Variants in RFTN1 observed in about 807,000 individuals in gnomAD.
RFTN1 encodes raftlin.
A neutral mutation model predicts 46.5 loss-of-function variants in RFTN1; 26 were observed. The ratio of observed to expected loss-of-function variants is 0.56; its 90% CI spans 0.41 to 0.78. The LOEUF is 0.78. Among genes scored for constraint, RFTN1 ranks in the 30% least tolerant of loss-of-function variants. The pLI is 0.00. For missense variants in RFTN1, 693 were observed against 718.7 expected (o/e 0.96, Z 0.41); for synonymous variants, 261 against 284.2 (o/e 0.92, Z 0.82).
chr3:16,395,497 G>C (rs2074446968), intron 4 of RFTN1, among the ~76,000 whole-genome samples: 2 of 151,964 alleles, frequency 1.3e-5, no homozygotes. Flanking sequence ...CCAGGCTGGA[G>C]TGCAGTGGTG....
Position 16,449,770 on chromosome 3 carries a change from G to T in RFTN1, c.146-15733C>A, listed in dbSNP as rs9847266. ...ACTCAGAAAAATCAACGAGACAAAAGCCATGCTGACAGACTGCTGCCTCTG... is the reference window on the plus strand; with the variant it reads ...ACTCAGAAAAATCAACGAGACAAAATCCATGCTGACAGACTGCTGCCTCTG... On this transcript the variant is annotated intron_variant, in intron 2 of 9. Coordinates refer to ENST00000334133, the MANE Select transcript of RFTN1 (RefSeq NM_015150.2). The surrounding 1 kb of genome is among the most constrained non-coding windows in gnomAD (Gnocchi z 5.1). Among the ~76,000 whole-genome samples, 235 of 152,318 alleles carry T rather than the reference G, an allele frequency of 1.5e-3. No homozygotes were observed. Among genetic ancestry groups the T allele is most frequent in the African/African-American group, 5.4e-3 (223 of 41,558 alleles).
intron 3 of RFTN1, among the ~76,000 whole-genome samples, chr3:16,430,718 C>A (rs1359567447): frequency 1.3e-5 from 2 of 152,186 alleles, no homozygotes; most frequent in Non-Finnish European, 2.9e-5. Flanking sequence ...TTCTCTGGAT[C>A]TGCTTGTCCA....
At chr3:16,406,550 G>C (rs2074861479) in intron 4 of RFTN1, among the ~76,000 whole-genome samples, 1 of 152,172 alleles carries the variant, frequency 6.6e-6, no homozygotes, top group Non-Finnish European at 1.5e-5. Flanking sequence ...TTTACAAGCT[G>C]TCCAGTCTGT....
rs1307681724 is a variant in RFTN1 at position 16,425,900 on chromosome 3, C to G, written c.332+7951G>C. 6.6e-6 allele frequency among the ~76,000 whole-genome samples: 1 copy of G among 152,104 alleles called. No homozygotes were observed. Among genetic ancestry groups the G allele is most frequent in the African/African-American group, 2.4e-5 (1 of 41,390 alleles). ...AGCTAATCAAATCCTCCACACCCCT[C>G]AGGAAGCTAGAGAAAACTGATGAGG... On this transcript the variant is annotated intron_variant, in intron 3 of 9. Transcript: ENST00000334133. This position sits in a 1 kb window ranked among gnomAD's most constrained non-coding sequence, Gnocchi z 4.3.
intron 1 of RFTN1, among the ~76,000 whole-genome samples, chr3:16,510,355 G>A (rs1032334427): frequency 4.6e-5 from 7 of 152,102 alleles, no homozygotes; most frequent in African/African-American, 1.7e-4. Context: ...GTGGGGCTTG[G>A]GGTTATTTTT....
At chr3:16,408,555 G>T (rs1559331581) in intron 4 of RFTN1, among the ~76,000 whole-genome samples, 1 of 149,918 alleles carries the variant, frequency 6.7e-6, no homozygotes, top group Non-Finnish European at 1.5e-5. Context: ...CATTCCTTCT[G>T]TAGTAAATAT....
rs1417551961 is a variant in RFTN1 at position 16,466,131 on chromosome 3, C to T, written c.145+27594G>A. On this transcript the variant is annotated intron_variant, in intron 2 of 9. Coordinates refer to ENST00000334133, the MANE Select transcript of RFTN1 (RefSeq NM_015150.2). The surrounding 1 kb of genome is among the most constrained non-coding windows in gnomAD (Gnocchi z 5.6). ...GGTCCAAGCGCTTGAATGCAGGATACACCATGCACCACAATCTTGCATCTC... is the reference window on the plus strand; with the variant it reads ...GGTCCAAGCGCTTGAATGCAGGATATACCATGCACCACAATCTTGCATCTC... Among the ~76,000 whole-genome samples the T allele has an allele frequency of 2.0e-5, 3 of 152,214 alleles. No individual in the cohort carries two copies. Among genetic ancestry groups the T allele is most frequent in the Non-Finnish European group, 4.4e-5 (3 of 68,044 alleles).
Position 16,450,404 on chromosome 3 carries a change from T to C in RFTN1, c.146-16367A>G, listed in dbSNP as rs1575311376. On this transcript the variant is annotated intron_variant, in intron 2 of 9. Transcript: ENST00000334133. The surrounding 1 kb of genome is among the most constrained non-coding windows in gnomAD (Gnocchi z 4.6). ...GCCACATCCAGGTGCACAGAGGTGGTGGCCTCAGAGAAGGAAGGCAGGTAG... is the reference window on the plus strand; with the variant it reads ...GCCACATCCAGGTGCACAGAGGTGGCGGCCTCAGAGAAGGAAGGCAGGTAG... Among the ~76,000 whole-genome samples the C allele has an allele frequency of 6.6e-6, 1 of 152,182 alleles. No individual in the cohort carries two copies. Among genetic ancestry groups the C allele is most frequent in the African/African-American group, 2.4e-5 (1 of 41,450 alleles).
At chr3:16,453,607 G>A (rs538982304) in intron 2 of RFTN1, among the ~76,000 whole-genome samples, 1 of 152,306 alleles carries the variant, frequency 6.6e-6, no homozygotes, top group East Asian at 1.9e-4. Flanking sequence ...TTTTAAAAAT[G>A]TAATGTTTAT....
At chr3:16,482,842 CATGAAG>C in intron 2 of RFTN1, 1 of 1,535,882 alleles carries the variant, frequency 6.5e-7, no homozygotes, top group Admixed American at 2.0e-5. Flanking sequence ...GCCTTTCTGC[CATGAAG>C]ATGAAGGACT....
rs2075674231 is a variant in RFTN1, at chr3:16,443,752, C to CACACACAT, written c.146-9716_146-9715insATGTGTGT. Among the ~76,000 whole-genome samples, 1 of 103,670 alleles carries CACACACAT rather than the reference C, an allele frequency of 9.6e-6. No individual in the cohort carries two copies. The highest frequency in any genetic ancestry group is 1.0e-4 in the Admixed American group (1 of 9,524). 68.0% of individuals were successfully genotyped at this position (103,670 alleles called of 152,430 possible). On this transcript the variant is annotated intron_variant, in intron 2 of 9. Coordinates refer to ENST00000334133, the MANE Select transcript of RFTN1 (RefSeq NM_015150.2). This position sits in a 1 kb window ranked among gnomAD's most constrained non-coding sequence, Gnocchi z 5.5. ...CACATAGTCAATGAATTACACACAA[C>CACACACAT]ACACACACACACACACACACACACA... is the stretch of plus-strand genomic sequence containing the variant.
rs141321255 is a variant in RFTN1, at chr3:16,437,118, A to C, written c.146-3081T>G. On this transcript the variant is annotated intron_variant, in intron 2 of 9. Transcript: ENST00000334133. ...GAGCATGCTAAAGTTTTCTTCACAC[A>C]GATAGCACATATTTATCAGGTTTAT... is the stretch of plus-strand genomic sequence containing the variant. Among the ~76,000 whole-genome samples, 819 of 152,360 alleles carry C rather than the reference A, an allele frequency of 5.4e-3. 6 individuals are homozygous for C. Among genetic ancestry groups the C allele is most frequent in the African/African-American group, 0.019 (776 of 41,576 alleles).
At chr3:16,488,578 G>C (rs545061433) in intron 2 of RFTN1, among the ~76,000 whole-genome samples, 2 of 152,212 alleles carry the variant, frequency 1.3e-5, no homozygotes, top group Non-Finnish European at 2.9e-5. Flanking sequence ...TATGGAAGAG[G>C]AATCTTCTTA....
At position 16,385,147 on chromosome 3, in the gene RFTN1, G is replaced by A. The variant is rs1257436866; in HGVS notation, c.442-7045C>T. Among the ~76,000 whole-genome samples, 1 of 152,110 alleles carries A rather than the reference G, an allele frequency of 6.6e-6. No homozygotes were observed. The highest frequency in any genetic ancestry group is 2.4e-5 in the African/African-American group (1 of 41,386). On this transcript the variant is annotated intron_variant, in intron 4 of 9. Coordinates refer to ENST00000334133, the MANE Select transcript of RFTN1 (RefSeq NM_015150.2). The surrounding 1 kb of genome is among the most constrained non-coding windows in gnomAD (Gnocchi z 5.0). ...GGCATGCCCTAGGTGTCAAGAACAG[G>A]TACAAAAATGCCATTCTGGGTTGCA...
chr3:16,419,825 G>A (rs1186873493), intron 3 of RFTN1, among the ~76,000 whole-genome samples: 1 of 152,194 alleles, frequency 6.6e-6, no homozygotes, highest in Non-Finnish European at 1.5e-5. Flanking sequence ...ATGAGTCACT[G>A]TCCTTTCTTC....
intron 5 of RFTN1, among the ~76,000 whole-genome samples, chr3:16,371,142 T>C (rs1405530765): frequency 4.6e-5 from 7 of 152,258 alleles, no homozygotes; most frequent in Non-Finnish European, 1.0e-4. Flanking sequence ...TTACACAGGC[T>C]AGTCAGGAAT....
In RFTN1 at chr3:16,337,681, G is replaced by A. The variant is rs1268860300; in HGVS notation, c.1147-10805C>T. 3.3e-5 allele frequency among the ~76,000 whole-genome samples: 5 copies of A among 149,760 alleles called. No homozygotes were observed. The highest frequency in any genetic ancestry group is 1.2e-4 in the African/African-American group (5 of 40,348). The stretch of plus-strand genomic sequence containing the variant: ...CGCTTGAACCCAGGAGGCGGAGGTT[G>A]CAGTGAGCCCAGATTGCGCCACTGC... On this transcript the variant is annotated intron_variant, in intron 7 of 9. Transcript: ENST00000334133. The surrounding 1 kb of genome is among the most constrained non-coding windows in gnomAD (Gnocchi z 5.0).
chr3:16,411,217 C>A (rs2074974698), intron 3 of RFTN1, among the ~76,000 whole-genome samples: 1 of 152,140 alleles, frequency 6.6e-6, no homozygotes, highest in Non-Finnish European at 1.5e-5. Context: ...ACACTGAACT[C>A]CTGAGATACA....
chr3:16,390,369 G>A (rs1386141699), intron 4 of RFTN1, among the ~76,000 whole-genome samples: 1 of 152,182 alleles, frequency 6.6e-6, no homozygotes, highest in Non-Finnish European at 1.5e-5. Flanking sequence ...AGCTCTGAAG[G>A]AGTGAGCCTT....
Sources: gnomAD v4.1 joint callset for allele counts (sites outside exome capture counted in the v4.1 genomes callset) on GRCh38, gnomAD v4.1.1 for gene constraint, Gnocchi (gnomAD v3.1) non-coding constraint, MANE v1.5 for transcripts, NCBI Gene and HGNC (gene_info 2026-07-23, HGNC 2026-07-21) for gene names.